Variants in NBEA observed in about 807,000 individuals in gnomAD.
The protein encoded by NBEA is neurobeachin, also known as lysosomal-trafficking regulator 2.
NBEA carries 44 observed loss-of-function variants against 343.4 expected under a neutral mutation model. The ratio of observed to expected loss-of-function variants is 0.13; its 90% CI spans 0.10 to 0.16. NBEA has a LOEUF of 0.16. Among genes scored for constraint, NBEA ranks in the 10% least tolerant of loss-of-function variants. NBEA has a pLI of 1.00. For missense variants in NBEA, 2,555 were observed against 3,631.3 expected, an observed-to-expected ratio of 0.70 and a Z score of 7.62; for synonymous variants, 1,175 against 1,238.7, an observed-to-expected ratio of 0.95 and a Z score of 1.08.
At chr13:35,230,936 A>G (rs1173594054) in intron 33 of NBEA, among the ~76,000 whole-genome samples, 1 of 152,052 alleles carries the variant, frequency 6.6e-6, no homozygotes, top group African/African-American at 2.4e-5. Context: ...CAGACTCTCC[A>G]GATAATTCTG....
chr13:35,261,653 T>C (rs1342471897), intron 34 of NBEA, among the ~76,000 whole-genome samples: 1 of 152,160 alleles, frequency 6.6e-6, no homozygotes, highest in Non-Finnish European at 1.5e-5. Flanking sequence ...TATTTTATAC[T>C]GATTAAGAAA....
chr13:35,187,584 A>G (rs2071813051), intron 30 of NBEA, among the ~76,000 whole-genome samples: 2 of 151,882 alleles, frequency 1.3e-5, no homozygotes, highest in African/African-American at 4.8e-5. Flanking sequence ...TTAACATGGC[A>G]AAACTATTCT....
intron 10 of NBEA, among the ~76,000 whole-genome samples, chr13:35,077,019 GCTATAA>G (rs1253128642): frequency 2.6e-5 from 4 of 151,980 alleles, no homozygotes; most frequent in African/African-American, 9.7e-5. Flanking sequence ...ATAGATTGTA[GCTATAA>G]TACTGATTGT....
chr13:35,385,992 G>A (rs1309263354), intron 38 of NBEA, among the ~76,000 whole-genome samples: 1 of 151,772 alleles, frequency 6.6e-6, no homozygotes, highest in Non-Finnish European at 1.5e-5. Context: ...TGGTATTTCA[G>A]GTAATTACAT....
chr13:35,196,109 A>G lies in NBEA; in HGVS notation c.5173A>G (p.Thr1725Ala), dbSNP rs530096927. ...GAGCTTAACTGAAAATCCTAGTGAAACGTTGAAGCCTGCAACATCCATATC... is the reference window on the plus strand; with the variant it reads ...GAGCTTAACTGAAAATCCTAGTGAAGCGTTGAAGCCTGCAACATCCATATC... ...QESLTENPSE[T>A]LKPATSISSI... Residue 1725 changes from threonine to alanine, a missense_variant, in exon 31 of 59, where the codon ACG (threonine) becomes GCG (alanine). This residue lies in a region of NBEA where 270 missense variants were observed against 293.3 expected (regional missense o/e 0.92). Coordinates refer to ENST00000379939, the MANE Select transcript of NBEA (RefSeq NM_001385012.1). 45 of 1,613,666 alleles carry G rather than the reference A, an allele frequency of 2.8e-5. No individual in the cohort carries two copies. In the South Asian group the frequency reaches 4.5e-4, roughly 16 times the overall value.
intron 10 of NBEA, among the ~76,000 whole-genome samples, chr13:35,085,306 C>A (rs1327133057): frequency 6.6e-6 from 1 of 152,042 alleles, no homozygotes; most frequent in Non-Finnish European, 1.5e-5. Context: ...ACCAATATCC[C>A]TGATGAACAT....
intron 49 of NBEA, among the ~76,000 whole-genome samples, chr13:35,641,843 T>C (rs2083969910): frequency 6.6e-6 from 1 of 152,134 alleles, no homozygotes; most frequent in Admixed American, 6.6e-5. Flanking sequence ...TATACATACA[T>C]ATATACATTC....
intron 47 of NBEA, among the ~76,000 whole-genome samples, chr13:35,601,761 C>CAA (rs869213180): frequency 3.9e-4 from 45 of 114,904 alleles, no homozygotes; most frequent in African/African-American, 9.5e-4. Context: ...GACTCCATCG[C>CAA]AAAAAAAAAA....
Position 34,942,591 on chromosome 13 carries a change from A to G in NBEA, c.-230A>G. On this transcript the variant is annotated 5_prime_UTR_variant, in exon 1 of 59. Transcript: ENST00000379939. ...CACAGCCGCTTGCCCGGCAGCGGTT[A>G]GCGGTACCGCCACCGCCGAGAATAA... is the stretch of plus-strand genomic sequence containing the variant. 4.4e-6 allele frequency: 1 copy of G among 228,940 alleles called. No homozygotes were observed. The allele number at this position is 228,940 out of a possible 1,614,324, so 14.2% of individuals were successfully genotyped here.
intron 48 of NBEA, among the ~76,000 whole-genome samples, chr13:35,617,938 T>C (rs1279585066): frequency 1.3e-5 from 2 of 152,232 alleles, no homozygotes; most frequent in African/African-American, 4.8e-5. Context: ...AGTATTTAAA[T>C]TTTCCATAAA....
At chr13:35,269,390 A>T (rs1222117894) in intron 34 of NBEA, among the ~76,000 whole-genome samples, 2 of 152,196 alleles carry the variant, frequency 1.3e-5, no homozygotes, top group Non-Finnish European at 2.9e-5. Flanking sequence ...ACCAAGTAAG[A>T]TTGGGCAAGA....
intron 46 of NBEA, among the ~76,000 whole-genome samples, chr13:35,587,443 G>A (rs2081339540): frequency 6.6e-6 from 1 of 152,078 alleles, no homozygotes; most frequent in African/African-American, 2.4e-5. Context: ...TCCCGTCAAT[G>A]ACAATCATTG....
At chr13:35,291,693 TC>T (rs1349305539) in intron 35 of NBEA, among the ~76,000 whole-genome samples, 2 of 151,944 alleles carry the variant, frequency 1.3e-5, no homozygotes, top group Non-Finnish European at 2.9e-5. Flanking sequence ...TCACTGCAGT[TC>T]AGAGAAATAA....
rs186224108 is a variant in NBEA at position 35,401,043 on chromosome 13, C to A, written c.6180-31226C>A. ...AATTCCTTCACATGTGCCCTCAAAG[C>A]ACTTTATTCAAACATTGATTATATT... On this transcript the variant is annotated intron_variant, in intron 38 of 58. Transcript: ENST00000379939. 3.8e-3 allele frequency among the ~76,000 whole-genome samples: 584 copies of A among 152,030 alleles called. 8 individuals are homozygous for A. The highest frequency in any genetic ancestry group is 2.6e-3 in the Non-Finnish European group (178 of 67,944).
At chr13:35,110,553 TAAATCATTTTA>T (rs1189636257) in intron 12 of NBEA, among the ~76,000 whole-genome samples, 1 of 152,130 alleles carries the variant, frequency 6.6e-6, no homozygotes, top group East Asian at 1.9e-4. Context: ...AATAAATTAT[TAAATCATTTTA>T]AAATTATTTA....
intron 40 of NBEA, among the ~76,000 whole-genome samples, chr13:35,466,919 C>A (rs1454729971): frequency 2.6e-5 from 4 of 152,020 alleles, no homozygotes; most frequent in African/African-American, 9.7e-5. Context: ...ACTTCAGTCA[C>A]CTGAAACCCA....
intron 27 of NBEA, 40 bp downstream of exon 27, chr13:35,173,634 G>T: frequency 6.4e-7 from 1 of 1,570,916 alleles, no homozygotes; most frequent in South Asian, 1.2e-5. Flanking sequence ...TAATTTACCT[G>T]AAAAAAATCT....
chr13:35,275,265 C>G (rs550501631), intron 34 of NBEA, among the ~76,000 whole-genome samples: 117 of 152,242 alleles, frequency 7.7e-4, no homozygotes, highest in African/African-American at 2.6e-3. Flanking sequence ...GAAAGGATTC[C>G]CTATTTAATA....
intron 38 of NBEA, among the ~76,000 whole-genome samples, chr13:35,427,065 G>T (rs922033045): frequency 3.3e-5 from 5 of 151,990 alleles, no homozygotes; most frequent in South Asian, 2.1e-4. Flanking sequence ...TAACTTCTTT[G>T]CTATTGGTTA....
Sources: gnomAD v4.1 joint callset for allele counts (sites outside exome capture counted in the v4.1 genomes callset) on GRCh38, gnomAD v4.1.1 for gene constraint, gnomAD v4.1.1 regional missense constraint, MANE v1.5 for transcripts, NCBI Gene and HGNC (gene_info 2026-07-23, HGNC 2026-07-21) for gene names.